Variants in TMEM132D observed in about 807,000 individuals in gnomAD.
TMEM132D encodes the protein mature OL transmembrane protein.
In TMEM132D, 21 loss-of-function variants were observed where a neutral mutation model predicts 62.3. That is an observed-to-expected ratio of 0.34 (90% CI 0.24 to 0.49). The LOEUF is 0.49. TMEM132D is among the 20% of genes least tolerant of loss of function. The probability of loss-of-function intolerance (pLI) is 0.99; values close to 1 mark genes in which losing one functional copy is unlikely to be tolerated. For missense variants in TMEM132D, 1,346 were observed against 1,402.8 expected (o/e 0.96, Z 0.65); for synonymous variants, 621 against 575.6 (o/e 1.08, Z -1.13).
intron 1 of TMEM132D, among the ~76,000 whole-genome samples, chr12:129,744,591 T>A (rs1424698343): frequency 6.6e-6 from 1 of 152,130 alleles, no homozygotes; most frequent in Non-Finnish European, 1.5e-5. Context: ...GGGACTAGGG[T>A]GAGACTGAGC....
intron 1 of TMEM132D, among the ~76,000 whole-genome samples, chr12:129,877,005 G>A (rs1874434363): frequency 6.6e-6 from 1 of 152,120 alleles, no homozygotes; most frequent in Non-Finnish European, 1.5e-5. Context: ...CGTGGGAATA[G>A]ATGCAGAGCG....
Position 129,074,102 on chromosome 12 carries a change from T to G in TMEM132D, c.3073A>C (p.Ile1025Leu), listed in dbSNP as rs868445394. ...TCACTTTTCTGATCTTTCCCATCAA[T>G]GATGATGGGTCCCAAAGGTTTGAAC... Reference protein sequence around the residue: ...QLFKPLGPIIIDGKDQKSEPP... With the variant: ...QLFKPLGPIILDGKDQKSEPP... Residue 1025 changes from isoleucine to leucine, a missense_variant, in exon 9 of 9, where the codon ATT becomes CTT. By Grantham distance (5) the Ile-to-Leu change is conservative (BLOSUM62 2). Coordinates refer to ENST00000422113, the MANE Select transcript of TMEM132D (RefSeq NM_133448.3). 2 of 1,614,110 alleles carry G rather than the reference T, an allele frequency of 1.2e-6. No individual in the cohort carries two copies. The highest frequency in any genetic ancestry group is 8.5e-7 in the Non-Finnish European group (1 of 1,180,004).
intron 5 of TMEM132D, 88 bp from the exon 6 acceptor site, chr12:129,084,790 G>A (rs1874562110): frequency 1.5e-6 from 2 of 1,293,268 alleles, no homozygotes; most frequent in Non-Finnish European, 2.1e-6. Context: ...GAAGTGCCCT[G>A]GCTGGTGGAG....
chr12:129,585,238 A>G (rs568149159), intron 2 of TMEM132D, among the ~76,000 whole-genome samples: 2 of 152,346 alleles, frequency 1.3e-5, no homozygotes, highest in African/African-American at 2.4e-5. Flanking sequence ...TTAAGGGAAA[A>G]AGCCAAGAGT....
intron 3 of TMEM132D, among the ~76,000 whole-genome samples, chr12:129,347,971 T>C (rs1290205220): frequency 6.6e-6 from 1 of 152,174 alleles, no homozygotes; most frequent in Admixed American, 6.5e-5. Flanking sequence ...TCATCACTGA[T>C]CATTAGAGAA....
chr12:129,226,688 C>T (rs1256345498), intron 4 of TMEM132D, among the ~76,000 whole-genome samples: 5 of 152,220 alleles, frequency 3.3e-5, no homozygotes, highest in African/African-American at 1.2e-4. Context: ...GGTGAGATCT[C>T]CTAACTTTTA....
chr12:129,818,090 G>A (rs1277434593), intron 1 of TMEM132D, among the ~76,000 whole-genome samples: 2 of 149,344 alleles, frequency 1.3e-5, no homozygotes, highest in Admixed American at 1.3e-4. Context: ...GTGGTGTGGG[G>A]TGTGTGCGTT....
intron 1 of TMEM132D, among the ~76,000 whole-genome samples, chr12:129,760,607 G>A (rs144327802): frequency 0.017 from 2,554 of 150,308 alleles, 68 homozygotes; most frequent in African/African-American, 0.059. Flanking sequence ...CAAGCCTCCT[G>A]AAGTACTGGG....
chr12:129,763,848 G>T (rs1385370850), intron 1 of TMEM132D, among the ~76,000 whole-genome samples: 1 of 152,160 alleles, frequency 6.6e-6, no homozygotes, highest in Non-Finnish European at 1.5e-5. Flanking sequence ...TCAGCCGCAG[G>T]TGGAACGTAA....
At chr12:129,373,131 A>G (rs2135681828) in intron 3 of TMEM132D, among the ~76,000 whole-genome samples, 1 of 152,342 alleles carries the variant, frequency 6.6e-6, no homozygotes, top group East Asian at 1.9e-4. Flanking sequence ...AGGTGTGTGT[A>G]CTTGAACAAG....
At chr12:129,129,107 C>T (rs1035358665) in intron 5 of TMEM132D, among the ~76,000 whole-genome samples, 1 of 152,000 alleles carries the variant, frequency 6.6e-6, no homozygotes, top group Non-Finnish European at 1.5e-5. Context: ...AGCATGGTAC[C>T]CAAAAGTTAG....
At chr12:129,491,513 G>C (rs1196965418) in intron 3 of TMEM132D, among the ~76,000 whole-genome samples, 2 of 152,136 alleles carry the variant, frequency 1.3e-5, no homozygotes, top group African/African-American at 4.8e-5. Context: ...GCTTCCCCCG[G>C]TCCTCCCCGC....
chr12:129,562,726 C>T (rs771272799), intron 2 of TMEM132D, among the ~76,000 whole-genome samples: 5 of 152,174 alleles, frequency 3.3e-5, no homozygotes, highest in Non-Finnish European at 7.4e-5. Context: ...CTGCCACTCC[C>T]CAAATCACCC....
chr12:129,584,706 T>C (rs1264919960), intron 2 of TMEM132D, among the ~76,000 whole-genome samples: 2 of 152,224 alleles, frequency 1.3e-5, no homozygotes, highest in African/African-American at 4.8e-5. Context: ...GGCTTCAACC[T>C]GTGGGTTGGA....
chr12:129,825,027 T>TTC (rs1555234170), intron 1 of TMEM132D, among the ~76,000 whole-genome samples: 34 of 146,760 alleles, frequency 2.3e-4, no homozygotes, highest in Admixed American at 1.5e-3. Context: ...TTTTTTTTTT[T>TTC]CCCTGAGATG....
chr12:129,181,690 CT>C (rs1426269680), intron 5 of TMEM132D, among the ~76,000 whole-genome samples: 2 of 152,132 alleles, frequency 1.3e-5, no homozygotes, highest in Non-Finnish European at 2.9e-5. Flanking sequence ...CCTATCTGTC[CT>C]TGTGAAAGCT....
intron 1 of TMEM132D, among the ~76,000 whole-genome samples, chr12:129,833,544 G>A (rs1480628199): frequency 3.3e-5 from 5 of 152,158 alleles, no homozygotes; most frequent in Admixed American, 3.3e-4. Flanking sequence ...AGGATCGCTT[G>A]AGCCCAGGAG....
Position 129,345,323 on chromosome 12 carries a change from G to C in TMEM132D, c.1116-7506C>G, listed in dbSNP as rs547813208. Among the ~76,000 whole-genome samples, 103 of 152,290 alleles carry C rather than the reference G, an allele frequency of 6.8e-4. 1 individual carries two copies. The highest frequency in any genetic ancestry group is 2.4e-3 in the African/African-American group (101 of 41,574). The stretch of plus-strand genomic sequence containing the variant: ...TAACCTTGTTAGTGGAACTCGGCCA[G>C]TGGCAATACAATCTCGCAGGTTTGG... On this transcript the variant is annotated intron_variant, in intron 3 of 8. Coordinates refer to ENST00000422113, the MANE Select transcript of TMEM132D (RefSeq NM_133448.3).
rs117610507 is a variant in TMEM132D, at chr12:129,851,361, T to C, written c.79+51900A>G. Among the ~76,000 whole-genome samples, 169 of 152,304 alleles carry C rather than the reference T, an allele frequency of 1.1e-3. 6 individuals carry two copies. In the East Asian group the frequency reaches 0.03, roughly 27 times the overall value. ...ACTCTTTTAAACCAGTCAGAACAGA[T>C]TTCCTTCTCGCAGGCTACTATAATA... On this transcript the variant is annotated intron_variant, in intron 1 of 8. Coordinates refer to ENST00000422113, the MANE Select transcript of TMEM132D (RefSeq NM_133448.3).
Sources: gnomAD v4.1 joint callset for allele counts (sites outside exome capture counted in the v4.1 genomes callset) on GRCh38, gnomAD v4.1.1 for gene constraint, MANE v1.5 for transcripts, NCBI Gene and HGNC (gene_info 2026-07-23, HGNC 2026-07-21) for gene names.